GRIK4: variants seen among roughly 807,000 people sequenced by gnomAD.
The protein encoded by GRIK4 is glutamate ionotropic receptor kainate type subunit 4, also known as glutamate receptor ionotropic, kainate 4.
A neutral mutation model predicts 104.9 loss-of-function variants in GRIK4; 40 were observed. The ratio of observed to expected loss-of-function variants is 0.38; its 90% confidence interval spans 0.30 to 0.50. The LOEUF is 0.50. GRIK4 is among the 20% of genes least tolerant of loss of function. The pLI, the probability that GRIK4 is intolerant of heterozygous loss-of-function variation, is 0.93. For synonymous variants in GRIK4, 485 were observed against 524.9 expected (o/e 0.92, Z 1.04); for missense variants, 1,047 against 1,308.1 (o/e 0.80, Z 3.08).
intron 11 of GRIK4, among the ~76,000 whole-genome samples, chr11:120,876,709 C>T (rs1954829788): frequency 6.6e-6 from 1 of 152,064 alleles, no homozygotes; most frequent in South Asian, 2.1e-4. Flanking sequence ...TGGTTTTGGA[C>T]CCAGAGAGAT....
chr11:120,732,627 CTG>C lies in GRIK4; in HGVS notation c.83-70060_83-70059del, dbSNP rs1252510076. Among the ~76,000 whole-genome samples, 15 of 152,036 alleles carry C rather than the reference CTG, an allele frequency of 9.9e-5. No homozygotes were observed. In the East Asian group the frequency reaches 2.1e-3, roughly 22 times the overall value. On this transcript the variant is annotated intron_variant, in intron 3 of 20. Coordinates refer to ENST00000527524, the MANE Select transcript of GRIK4 (RefSeq NM_014619.5). ...CATTCGGGAGCATATTGTTTATTTT[CTG>C]TGTGTTTATGTAGTTCCCCAAATTC...
At chr11:120,558,471 C>A (rs760483587) in intron 1 of GRIK4, among the ~76,000 whole-genome samples, 8 of 152,150 alleles carry the variant, frequency 5.3e-5, no homozygotes, top group Non-Finnish European at 1.2e-4. Context: ...GCCTGTAGTC[C>A]CAGCTACTCG....
chr11:120,866,797 T>C (rs1262978179), intron 9 of GRIK4, among the ~76,000 whole-genome samples: 2 of 152,204 alleles, frequency 1.3e-5, no homozygotes, highest in African/African-American at 4.8e-5. Context: ...CCCCTTTGGT[T>C]TTCTTGCCAA....
chr11:120,869,448 A>C (rs1269693291), intron 9 of GRIK4: 1 of 152,362 alleles, frequency 6.6e-6, no homozygotes, highest in Non-Finnish European at 1.5e-5. Flanking sequence ...TGTGCCCAGC[A>C]TCCCTAGCTG....
chr11:120,866,781 G>C (rs114148291), intron 9 of GRIK4, among the ~76,000 whole-genome samples: 1 of 152,270 alleles, frequency 6.6e-6, no homozygotes, highest in African/African-American at 2.4e-5. Context: ...CTTTCTCTCA[G>C]CCAAGCCCCT....
intron 1 of GRIK4, among the ~76,000 whole-genome samples, chr11:120,569,365 A>G (rs753325262): frequency 9.2e-5 from 14 of 152,230 alleles, no homozygotes; most frequent in Admixed American, 2.6e-4. Context: ...CACATTCATA[A>G]GGGACTTTCT....
intron 1 of GRIK4, among the ~76,000 whole-genome samples, chr11:120,588,513 T>C (rs1042673114): frequency 2.6e-4 from 40 of 152,096 alleles, no homozygotes; most frequent in African/African-American, 9.4e-4. Context: ...AGGGACTTAC[T>C]GCGATCCAGA....
At chr11:120,925,212 C>A (rs1414961822) in intron 13 of GRIK4, among the ~76,000 whole-genome samples, 1 of 152,146 alleles carries the variant, frequency 6.6e-6, no homozygotes, top group Non-Finnish European at 1.5e-5. Context: ...TTTTACCCAA[C>A]AAAAACAGTC....
chr11:120,800,814 C>T (rs1050899919), intron 3 of GRIK4, among the ~76,000 whole-genome samples: 68 of 152,330 alleles, frequency 4.5e-4, no homozygotes, highest in African/African-American at 1.5e-3. Context: ...GAACCTGGAT[C>T]TCTGCGTCCG....
intron 13 of GRIK4, among the ~76,000 whole-genome samples, chr11:120,933,279 A>G (rs1447287359): frequency 2.0e-5 from 3 of 152,210 alleles, no homozygotes; most frequent in African/African-American, 7.2e-5. Context: ...CTGCCTCCAA[A>G]CATGCCCACA....
rs1948181958 is a variant in GRIK4, at chr11:120,555,991, C to T, written c.-159+44104C>T. 6.6e-6 allele frequency among the ~76,000 whole-genome samples: 1 copy of T among 152,128 alleles called. No homozygotes were observed. The highest frequency in any genetic ancestry group is 1.5e-5 in the Non-Finnish European group (1 of 68,028). On this transcript the variant is annotated intron_variant, in intron 1 of 20. Transcript: ENST00000527524. The surrounding 1 kb of genome is among the most constrained non-coding windows in gnomAD (Gnocchi z 5.3). ...TGTTAGACTGTCGGCTACTTGAAAC[C>T]AGTTCTTCTCATGGAAATGCATTTT...
At chr11:120,564,366 T>C (rs1948281553) in intron 1 of GRIK4, 1 of 151,906 alleles carries the variant, frequency 6.6e-6, no homozygotes, top group Non-Finnish European at 1.5e-5. Context: ...GGCTCGGGAA[T>C]CCGGGCCCGG....
Position 120,952,765 on chromosome 11 carries a change from A to C in GRIK4, c.1591-90A>C. On this transcript the variant is annotated intron_variant, in intron 14 of 20. Coordinates refer to ENST00000527524, the MANE Select transcript of GRIK4 (RefSeq NM_014619.5). This position sits in a 1 kb window ranked among gnomAD's most constrained non-coding sequence, Gnocchi z 5.2. ...AAATGGGAACTGGGGCCAGACCCAC[A>C]CTCACTACCTCCTCTACCCCGCCCT... 3.5e-6 allele frequency: 3 copies of C among 851,350 alleles called. No homozygotes were observed. The South Asian group carries it at 4.0e-5, about 11-fold the overall frequency. The allele number at this position is 851,350 out of a possible 1,614,324, so 52.7% of individuals were successfully genotyped here.
intron 3 of GRIK4, among the ~76,000 whole-genome samples, chr11:120,722,818 A>G (rs750117488): frequency 2.0e-5 from 3 of 152,162 alleles, no homozygotes; most frequent in Non-Finnish European, 4.4e-5. Context: ...TTGCAAGCCC[A>G]GTTACTGTTC....
At chr11:120,824,419 C>T (rs1216869358) in intron 6 of GRIK4, among the ~76,000 whole-genome samples, 2 of 152,182 alleles carry the variant, frequency 1.3e-5, no homozygotes, top group African/African-American at 2.4e-5. Context: ...GGTCAGATCA[C>T]CCAGCCCTGC....
intron 1 of GRIK4, among the ~76,000 whole-genome samples, chr11:120,585,447 C>G (rs556803224): frequency 6.6e-6 from 1 of 151,888 alleles, no homozygotes; most frequent in African/African-American, 2.4e-5. Context: ...CCTCCTGGTT[C>G]AAGCGATTCT....
intron 11 of GRIK4, among the ~76,000 whole-genome samples, chr11:120,883,973 A>C (rs1955046888): frequency 6.6e-6 from 1 of 152,202 alleles, no homozygotes. Flanking sequence ...GGGCCAGGCC[A>C]CCGGCCAGAG....
At chr11:120,709,246 C>G (rs180932868) in intron 3 of GRIK4, among the ~76,000 whole-genome samples, 1 of 151,812 alleles carries the variant, frequency 6.6e-6, no homozygotes, top group Non-Finnish European at 1.5e-5. Context: ...CTTGTCCCTA[C>G]CCTCATCTAG....
intron 11 of GRIK4, among the ~76,000 whole-genome samples, chr11:120,881,220 T>C (rs543249004): frequency 1.3e-5 from 2 of 152,384 alleles, no homozygotes; most frequent in South Asian, 4.1e-4. Flanking sequence ...AATTTCTATT[T>C]GCCACATTAG....
Sources: allele counts gnomAD v4.1 joint callset (sites outside exome capture counted in the v4.1 genomes callset), GRCh38; gene constraint gnomAD v4.1.1; non-coding constraint Gnocchi (gnomAD v3.1); transcripts MANE v1.5; gene names NCBI Gene and HGNC (gene_info 2026-07-23, HGNC 2026-07-21).